The following DPP4 variants were observed in gnomAD, a reference collection of about 807,000 sequenced individuals.
DPP4 encodes dipeptidyl peptidase 4.
Under a neutral mutation model 122.4 loss-of-function variants are expected in DPP4, and 93 were observed. The observed-to-expected ratio is 0.76, with a 90% CI of 0.64 to 0.90. DPP4 has a LOEUF of 0.90. Among genes scored for constraint, DPP4 ranks in the 40% least tolerant of loss-of-function variants. The probability of loss-of-function intolerance (pLI) is 0.00; values close to 1 mark genes in which losing one functional copy is unlikely to be tolerated. For synonymous variants in DPP4, 321 were observed against 302.9 expected, an observed-to-expected ratio of 1.06 and a Z score of -0.62; for missense variants, 914 against 907.3, an observed-to-expected ratio of 1.01 and a Z score of -0.09.
intron 1 of DPP4, 51 bp downstream of exon 1, chr2:162,073,925 C>T: frequency 6.2e-7 from 1 of 1,605,528 alleles, no homozygotes; most frequent in Non-Finnish European, 8.5e-7. Flanking sequence ...GGGAGTTTGG[C>T]GAAGAGGTCC....
In DPP4 at chr2:162,035,197, C is replaced by T. The variant is rs577626040; in HGVS notation, c.741G>A (p.Gln247=). ...EYSFYSDESL[Q]YPKTVRVPYP... is the part of the protein sequence containing the mutation. ...ATGGAACCCGTACAGTCTTTGGGTA[C>T]TGCAGTGACTCATCAGAGTAGAAGG... The change falls in exon 9 of 26, where the codon CAG becomes CAA. Residue 247 remains glutamine (Q), a synonymous_variant. Coordinates refer to ENST00000360534, the MANE Select transcript of DPP4 (RefSeq NM_001935.4). 6.2e-7 allele frequency: 1 copy of T among 1,613,944 alleles called. No homozygotes were observed.
intron 18 of DPP4, among the ~76,000 whole-genome samples, chr2:162,015,412 T>A (rs1429868838): frequency 6.6e-6 from 1 of 151,988 alleles, no homozygotes; most frequent in Non-Finnish European, 1.5e-5. Context: ...AAGAGCAAAA[T>A]TTAAGTCTCT....
chr2:162,057,621 C>A (rs532078497), intron 2 of DPP4, among the ~76,000 whole-genome samples: 66 of 152,260 alleles, frequency 4.3e-4, no homozygotes, highest in African/African-American at 1.5e-3. Flanking sequence ...CCAGTAGCAG[C>A]TAGGGGGATT....
chr2:162,007,495 T>C (rs1576035908), intron 22 of DPP4, among the ~76,000 whole-genome samples: 1 of 152,152 alleles, frequency 6.6e-6, no homozygotes, highest in East Asian at 1.9e-4. Flanking sequence ...TTTTGTCCCA[T>C]CTTTGAATAA....
rs759287338 is a variant in DPP4, at chr2:162,035,170, A to C, written c.768T>G (p.Tyr256Ter). Residue 256 changes from tyrosine (Y) to a stop codon, truncating the protein, a stop_gained, in exon 9 of 26, where the codon TAT becomes TAG. Coordinates refer to ENST00000360534, the MANE Select transcript of DPP4 (RefSeq NM_001935.4). LOFTEE classifies it high-confidence loss of function. ...LQYPKTVRVP[Y>*]PKAGAVNPTV... ...TACAAACAGGAGCACAGACCTTTGG[A>C]TATGGAACCCGTACAGTCTTTGGGT... The C allele has an allele frequency of 3.1e-6, 5 of 1,612,820 alleles. No individual in the cohort carries two copies. The South Asian group carries it at 4.4e-5, about 14-fold the overall frequency.
At chr2:162,045,378 A>G (rs1684135619) in intron 5 of DPP4, among the ~76,000 whole-genome samples, 154 bp downstream of exon 5, 1 of 152,226 alleles carries the variant, frequency 6.6e-6, no homozygotes. Context: ...CTTGTCTTTA[A>G]GAATGAGAAT....
At chr2:162,046,567 C>A in intron 4 of DPP4, 1 of 380,916 alleles carries the variant, frequency 2.6e-6, no homozygotes, top group Non-Finnish European at 5.1e-6. Context: ...AGAAGGTTAG[C>A]GTTAAGTGTG....
chr2:162,035,984 A>G (rs972163605), intron 8 of DPP4, among the ~76,000 whole-genome samples: 1 of 152,138 alleles, frequency 6.6e-6, no homozygotes, highest in Admixed American at 6.5e-5. Flanking sequence ...AGGCAAATAA[A>G]AGACCAGATC....
chr2:161,999,112 C>A (rs1293041804), intron 23 of DPP4, among the ~76,000 whole-genome samples: 1 of 152,000 alleles, frequency 6.6e-6, no homozygotes, highest in African/African-American at 2.4e-5. Flanking sequence ...ATTTTTTTCC[C>A]CAGAAAAAGG....
chr2:162,015,220 CA>C (rs1559709418), intron 18 of DPP4, among the ~76,000 whole-genome samples: 1 of 151,922 alleles, frequency 6.6e-6, no homozygotes, highest in African/African-American at 2.4e-5. Flanking sequence ...AAACTGTAGG[CA>C]AAAAAATTCT....
At chr2:162,033,897 C>G (rs1467648815) in intron 9 of DPP4, among the ~76,000 whole-genome samples, 1 of 82,494 alleles carries the variant, frequency 1.2e-5, no homozygotes, top group African/African-American at 4.9e-5. Flanking sequence ...TATATATACA[C>G]ACTATATAAA....
intron 22 of DPP4, among the ~76,000 whole-genome samples, chr2:162,007,418 G>C (rs1454173617): frequency 6.6e-6 from 1 of 152,078 alleles, no homozygotes; most frequent in East Asian, 1.9e-4. Flanking sequence ...AAAATATTAT[G>C]CATAACTGCA....
At chr2:162,056,477 A>G (rs1413081075) in intron 2 of DPP4, among the ~76,000 whole-genome samples, 1 of 152,236 alleles carries the variant, frequency 6.6e-6, no homozygotes, top group Non-Finnish European at 1.5e-5. Context: ...GACTAGACAG[A>G]GTGAGCACAG....
rs1460901735 is a variant in DPP4 at position 162,039,034 on chromosome 2, T to A, written c.420-13A>T. 6.2e-7 allele frequency: 1 copy of A among 1,613,154 alleles called. No homozygotes were observed. Among genetic ancestry groups the A allele is most frequent in the Non-Finnish European group, 8.5e-7 (1 of 1,179,414 alleles). On this transcript the variant is annotated splice_polypyrimidine_tract_variant and intron_variant, in intron 6 of 25. Coordinates refer to ENST00000360534, the MANE Select transcript of DPP4 (RefSeq NM_001935.4). ...TGTAATCAGCTGCCTGGAAAAAAGA[T>A]GAAAGGAAATATTATCAAAAAGAAT...
At chr2:162,022,076 A>G (rs1683152820) in intron 12 of DPP4, among the ~76,000 whole-genome samples, 2 of 152,190 alleles carry the variant, frequency 1.3e-5, no homozygotes, top group African/African-American at 4.8e-5. Flanking sequence ...AGTGAGATTC[A>G]TTCCTCATCT....
intron 2 of DPP4, among the ~76,000 whole-genome samples, chr2:162,067,565 G>A (rs1335949481): frequency 6.6e-6 from 1 of 152,050 alleles, no homozygotes; most frequent in Non-Finnish European, 1.5e-5. Flanking sequence ...GCACATTAAT[G>A]CCCCCAGTTA....
chr2:162,044,354 A>G (rs951223559), intron 5 of DPP4, among the ~76,000 whole-genome samples: 1 of 152,036 alleles, frequency 6.6e-6, no homozygotes, highest in African/African-American at 2.4e-5. Flanking sequence ...GAGATGGTAA[A>G]TGCAGTAGGG....
intron 2 of DPP4, among the ~76,000 whole-genome samples, chr2:162,070,234 G>T (rs1295504789): frequency 6.6e-6 from 1 of 152,116 alleles, no homozygotes; most frequent in African/African-American, 2.4e-5. Context: ...GTGAACTTTT[G>T]ATTGTGCTTG....
intron 20 of DPP4, among the ~76,000 whole-genome samples, chr2:162,010,831 A>T (rs974060446): frequency 6.6e-6 from 1 of 152,026 alleles, no homozygotes; most frequent in Admixed American, 6.5e-5. Context: ...TCCTCTCTCC[A>T]TCTATTTCAT....
Sources: gnomAD v4.1 joint callset for allele counts (sites outside exome capture counted in the v4.1 genomes callset) on GRCh38, gnomAD v4.1.1 for gene constraint, MANE v1.5 for transcripts, NCBI Gene and HGNC (gene_info 2026-07-23, HGNC 2026-07-21) for gene names.